RYR3: variants seen among roughly 807,000 people sequenced by gnomAD.
RYR3 encodes brain ryanodine receptor-calcium release channel.
A neutral mutation model predicts 584.3 loss-of-function variants in RYR3; 207 were observed. The ratio of observed to expected loss-of-function variants is 0.35; its 90% CI spans 0.32 to 0.40. The LOEUF (loss-of-function observed/expected upper bound fraction) is 0.40, where lower values mean the gene tolerates loss of function less well. Ranked by LOEUF, RYR3 falls within the 10% of genes least tolerant of loss-of-function variation. The probability of loss-of-function intolerance (pLI) is 1.00; values close to 1 mark genes in which losing one functional copy is unlikely to be tolerated. For synonymous variants in RYR3, 2,416 were observed against 2,248.5 expected, an observed-to-expected ratio of 1.07 and a Z score of -2.11; for missense variants, 5,616 against 6,089.2, an observed-to-expected ratio of 0.92 and a Z score of 2.59.
At chr15:33,736,700 T>C (rs1278007618) in intron 49 of RYR3, among the ~76,000 whole-genome samples, 1 of 152,194 alleles carries the variant, frequency 6.6e-6, no homozygotes, top group Non-Finnish European at 1.5e-5. Flanking sequence ...TATTCCATAC[T>C]GTTTTGTGCT....
chr15:33,739,759 G>A, intron 50 of RYR3, 73 bp from the exon 51 acceptor site: 1 of 1,276,132 alleles, frequency 7.8e-7, no homozygotes, highest in Non-Finnish European at 1.1e-6. Context: ...GTTTTCAGCT[G>A]ATTGGTGATT....
At chr15:33,760,917 A>G (rs1481846130) in intron 60 of RYR3, among the ~76,000 whole-genome samples, 1 of 152,248 alleles carries the variant, frequency 6.6e-6, no homozygotes, top group Non-Finnish European at 1.5e-5. Flanking sequence ...CCACAGTGCA[A>G]TCAAACTAGA....
chr15:33,859,314 C>G (rs550591321), intron 99 of RYR3, among the ~76,000 whole-genome samples: 1 of 152,366 alleles, frequency 6.6e-6, no homozygotes, highest in East Asian at 1.9e-4. Flanking sequence ...GATCTTTTAA[C>G]TTATATACAC....
chr15:33,662,140 G>A lies in RYR3; in HGVS notation c.4623-13G>A, dbSNP rs373704082. ...CTCCCCCTGGTGTGGCTGATTGCTCGTCCTGTCCTCAGGTGTGTGGATATC... is the reference window on the plus strand; with the variant it reads ...CTCCCCCTGGTGTGGCTGATTGCTCATCCTGTCCTCAGGTGTGTGGATATC... On this transcript the variant is annotated splice_polypyrimidine_tract_variant and intron_variant, in intron 34 of 103. Coordinates refer to ENST00000634891, the MANE Select transcript of RYR3 (RefSeq NM_001036.6). 8.3e-5 allele frequency: 130 copies of A among 1,559,806 alleles called. No homozygotes were observed. Among genetic ancestry groups the A allele is most frequent in the African/African-American group, 1.8e-4 (13 of 73,964 alleles).
chr15:33,728,140 A>G (rs1188311164), intron 46 of RYR3, among the ~76,000 whole-genome samples: 1 of 152,212 alleles, frequency 6.6e-6, no homozygotes, highest in Non-Finnish European at 1.5e-5. Flanking sequence ...TTAGGTTTCA[A>G]ATCAACAAAG....
At chr15:33,642,918 G>A (rs144945763) in intron 27 of RYR3, among the ~76,000 whole-genome samples, 94 of 152,236 alleles carry the variant, frequency 6.2e-4, no homozygotes, top group African/African-American at 4.8e-5. Flanking sequence ...ATTTAGACAC[G>A]GTATTAAACA....
At chr15:33,652,678 C>G (rs1001496974) in intron 31 of RYR3, 40 bp from the exon 32 acceptor site, 1 of 1,596,474 alleles carries the variant, frequency 6.3e-7, no homozygotes, top group Non-Finnish European at 8.5e-7. Flanking sequence ...ACAAACTGCC[C>G]CAGTCCAGAT....
chr15:33,608,065 C>G (rs1371829089), intron 18 of RYR3, among the ~76,000 whole-genome samples: 1 of 152,190 alleles, frequency 6.6e-6, no homozygotes. Flanking sequence ...TAAACTGCCT[C>G]TTAAGTGGTA....
At chr15:33,456,746 T>C (rs1166712338) in intron 1 of RYR3, among the ~76,000 whole-genome samples, 1 of 152,190 alleles carries the variant, frequency 6.6e-6, no homozygotes, top group African/African-American at 2.4e-5. Context: ...CTATTCCTGG[T>C]GAAATCTCTT....
chr15:33,383,147 A>G (rs1310458106), intron 1 of RYR3, among the ~76,000 whole-genome samples: 6 of 151,646 alleles, frequency 4.0e-5, no homozygotes, highest in African/African-American at 1.5e-4. Flanking sequence ...GATCCCAGAC[A>G]GTAAGTGATG....
At chr15:33,741,414 C>T (rs897664449) in intron 51 of RYR3, among the ~76,000 whole-genome samples, 3 of 152,038 alleles carry the variant, frequency 2.0e-5, no homozygotes, top group African/African-American at 7.3e-5. Context: ...ACTTAAATTC[C>T]GTGGAGAGAA....
chr15:33,511,338 A>G (rs2052979627), intron 3 of RYR3, among the ~76,000 whole-genome samples: 1 of 151,550 alleles, frequency 6.6e-6, no homozygotes, highest in African/African-American at 2.4e-5. Flanking sequence ...TTAAAAAAAA[A>G]AAAAAAAAAA....
intron 60 of RYR3, among the ~76,000 whole-genome samples, chr15:33,758,198 A>G (rs2072041859): frequency 6.6e-6 from 1 of 152,196 alleles, no homozygotes; most frequent in Non-Finnish European, 1.5e-5. Flanking sequence ...CTGGGTTTCA[A>G]GCACAAAACT....
chr15:33,838,865 G>T lies in RYR3; in HGVS notation c.12885G>T (p.Gly4295=), dbSNP rs759588731. 9.3e-6 allele frequency: 15 copies of T among 1,613,996 alleles called. No homozygotes were observed. The Admixed American group carries it at 2.5e-4, about 27-fold the overall frequency. Residue 4295 remains glycine, a synonymous_variant, in exon 89 of 104, where the codon GGG becomes GGT. Coordinates refer to ENST00000634891, the MANE Select transcript of RYR3 (RefSeq NM_001036.6). The part of the protein sequence containing the change: ...HPKKEGSLKH[G]PEVGLGDLSE... ...AGAAAGAGGGCAGCTTAAAGCATGGGCCTGAAGTGGGTTTGGGTGACCTCT... is the reference window on the plus strand; with the variant it reads ...AGAAAGAGGGCAGCTTAAAGCATGGTCCTGAAGTGGGTTTGGGTGACCTCT...
intron 1 of RYR3, among the ~76,000 whole-genome samples, chr15:33,434,976 C>G (rs1275263212): frequency 6.6e-6 from 1 of 152,090 alleles, no homozygotes; most frequent in Non-Finnish European, 1.5e-5. Flanking sequence ...CACCACCATG[C>G]CTGGCTAATT....
chr15:33,489,733 G>T (rs116092740), intron 2 of RYR3, among the ~76,000 whole-genome samples: 2,390 of 152,286 alleles, frequency 0.016, 59 homozygotes, highest in African/African-American at 0.054. Context: ...TAATGGGATT[G>T]CTGGGTCGAA....
intron 3 of RYR3, among the ~76,000 whole-genome samples, chr15:33,525,844 T>C (rs939735171): frequency 1.3e-5 from 2 of 152,224 alleles, no homozygotes; most frequent in Non-Finnish European, 2.9e-5. Context: ...TCAGGAAATA[T>C]TGTTCTGTGA....
chr15:33,558,141 C>T (rs1035976029), intron 10 of RYR3, among the ~76,000 whole-genome samples: 3 of 152,024 alleles, frequency 2.0e-5, no homozygotes, highest in Non-Finnish European at 4.4e-5. Context: ...TACATGTGCA[C>T]AATGTGCAGG....
chr15:33,787,057 T>C (rs1447014984), intron 66 of RYR3, among the ~76,000 whole-genome samples: 2 of 152,208 alleles, frequency 1.3e-5, no homozygotes, highest in Non-Finnish European at 2.9e-5. Flanking sequence ...TCTCCTCCCT[T>C]ACCTCCCTAG....
Sources: allele counts gnomAD v4.1 joint callset (sites outside exome capture counted in the v4.1 genomes callset), GRCh38; gene constraint gnomAD v4.1.1; transcripts MANE v1.5; gene names NCBI Gene and HGNC (gene_info 2026-07-23, HGNC 2026-07-21).